The following CAST variants were observed in gnomAD, a reference collection of about 807,000 sequenced individuals.
CAST encodes the protein MIR583 host.
In CAST, 76 loss-of-function variants were observed where a neutral mutation model predicts 119.6. That is an observed-to-expected ratio of 0.64 (90% CI 0.53 to 0.77). The LOEUF is 0.77. CAST is among the 30% of genes least tolerant of loss of function. The pLI is 0.00. For synonymous variants in CAST, 319 were observed against 331.6 expected (o/e 0.96, Z 0.41); for missense variants, 953 against 946.5 (o/e 1.01, Z -0.09).
At chr5:96,563,553 T>C (rs914403283) in intron 1 of CAST, among the ~76,000 whole-genome samples, 2 of 152,206 alleles carry the variant, frequency 1.3e-5, no homozygotes, top group African/African-American at 2.4e-5. Flanking sequence ...GGAGGTGAAC[T>C]GTTGACTGGG....
the CAST span, among the ~76,000 whole-genome samples, chr5:96,105,216 A>G: frequency 6.6e-6 from 1 of 151,856 alleles, no homozygotes; most frequent in Admixed American, 6.6e-5. Flanking sequence ...TCCTAATTGA[A>G]TACCCTTTAT....
At chr5:96,290,072 C>G in the CAST span, among the ~76,000 whole-genome samples, 1 of 152,030 alleles carries the variant, frequency 6.6e-6, no homozygotes, top group African/African-American at 2.4e-5. Context: ...TATCAGAATA[C>G]TTGGAAAGTA....
chr5:96,718,214 A>G (rs929123790), intron 3 of CAST, among the ~76,000 whole-genome samples: 3 of 152,178 alleles, frequency 2.0e-5, no homozygotes, highest in Non-Finnish European at 4.4e-5. Flanking sequence ...GCCTATATCT[A>G]TCTTTCTTGG....
At position 96,697,124 on chromosome 5, in the gene CAST, C is replaced by T. The variant is rs187678306; in HGVS notation, c.210+1217C>T. Reference sequence around the variant, plus strand: ...CACAGGTTGCAGTGAGCCGAGATAGCGCCACTGCACTCCAGCCTTGTAACA... The same window carrying T: ...CACAGGTTGCAGTGAGCCGAGATAGTGCCACTGCACTCCAGCCTTGTAACA... On this transcript the variant is annotated intron_variant, in intron 3 of 31. Coordinates refer to ENST00000675179, the MANE Select transcript of CAST (RefSeq NM_001750.7). Among the ~76,000 whole-genome samples the T allele has an allele frequency of 7.2e-4, 107 of 148,920 alleles. 1 individual carries two copies. The East Asian group carries it at 0.02, about 28-fold the overall frequency.
chr5:96,645,700 T>C (rs1194307802), intron 1 of CAST, among the ~76,000 whole-genome samples: 2 of 151,844 alleles, frequency 1.3e-5, no homozygotes, highest in African/African-American at 4.8e-5. Context: ...AAATATTAAT[T>C]AGTGGGAAAA....
At chr5:96,116,690 C>T in the CAST span, among the ~76,000 whole-genome samples, 1 of 152,062 alleles carries the variant, frequency 6.6e-6, no homozygotes, top group Admixed American at 6.6e-5. Context: ...CTTTCTTAGG[C>T]TTATTGTTTA....
chr5:96,064,869 G>A, the CAST span, among the ~76,000 whole-genome samples: 1 of 152,010 alleles, frequency 6.6e-6, no homozygotes, highest in Admixed American at 6.6e-5. Flanking sequence ...TTATTTCTAT[G>A]CTATGTGCGT....
the CAST span, among the ~76,000 whole-genome samples, chr5:96,126,755 A>G: frequency 1.3e-5 from 2 of 152,138 alleles, no homozygotes; most frequent in Non-Finnish European, 2.9e-5. Flanking sequence ...CACTGTATAA[A>G]TCATCTTTTT....
chr5:96,542,162 T>C (rs1433659709), intron 1 of CAST, among the ~76,000 whole-genome samples: 2 of 151,960 alleles, frequency 1.3e-5, no homozygotes, highest in African/African-American at 4.8e-5. Flanking sequence ...TACAAAAAAT[T>C]AGCCGGGCGA....
chr5:96,188,431 G>A, the CAST span, among the ~76,000 whole-genome samples: 1 of 151,958 alleles, frequency 6.6e-6, no homozygotes, highest in East Asian at 1.9e-4. Flanking sequence ...TTAACCTATT[G>A]AAACACTACT....
At chr5:96,243,749 C>T in the CAST span, among the ~76,000 whole-genome samples, 4,911 of 152,090 alleles carry the variant, frequency 0.032, 246 homozygotes, top group African/African-American at 0.11. Flanking sequence ...TGGACATCTG[C>T]GGATTTTTTC....
chr5:96,274,436 G>T, the CAST span, among the ~76,000 whole-genome samples: 2 of 152,066 alleles, frequency 1.3e-5, no homozygotes, highest in Non-Finnish European at 2.9e-5. Context: ...TGTCAATTCT[G>T]TCCAAAATTT....
rs1189916140 is a variant in CAST at position 96,757,731 on chromosome 5, T to G, written c.1833+77T>G. ...TTTGAGATGGAGTCTTGCTCTGTCA[T>G]CCAGGCGGGAGTACAGTGGTGCCAT... is the stretch of plus-strand genomic sequence containing the variant. On this transcript the variant is annotated intron_variant, in intron 24 of 31. Transcript: ENST00000675179. 3.0e-6 allele frequency: 3 copies of G among 990,904 alleles called. No homozygotes were observed. The Admixed American group carries it at 6.9e-5, about 23-fold the overall frequency. 61.4% of individuals were successfully genotyped at this position (990,904 alleles called of 1,614,324 possible). A position where few individuals can be genotyped will look rare whatever the true frequency, so the allele number is the denominator to read the frequency against.
the CAST span, among the ~76,000 whole-genome samples, chr5:96,351,406 C>T: frequency 1.3e-5 from 2 of 152,108 alleles, no homozygotes; most frequent in African/African-American, 4.8e-5. Context: ...CTACACATTG[C>T]TTCAGCAATG....
At chr5:96,639,395 G>A (rs766290995) in intron 1 of CAST, among the ~76,000 whole-genome samples, 17 of 152,184 alleles carry the variant, frequency 1.1e-4, no homozygotes, top group Non-Finnish European at 2.1e-4. Flanking sequence ...TCCCATGTTT[G>A]GCCTGAGTGA....
the CAST span, among the ~76,000 whole-genome samples, chr5:95,979,816 AT>A: frequency 6.6e-6 from 1 of 152,094 alleles, no homozygotes; most frequent in Non-Finnish European, 1.5e-5. Context: ...AGGAATTTTA[AT>A]TTTTAAAAGT....
the CAST span, among the ~76,000 whole-genome samples, chr5:96,095,254 G>C: frequency 6.6e-6 from 1 of 152,018 alleles, no homozygotes; most frequent in Non-Finnish European, 1.5e-5. Flanking sequence ...AAGGTTTCTT[G>C]ATCAGCTTGT....
chr5:96,029,469 C>A, the CAST span, among the ~76,000 whole-genome samples: 2 of 151,766 alleles, frequency 1.3e-5, no homozygotes, highest in African/African-American at 2.4e-5. Context: ...TGAAAAAATA[C>A]AAGAAAATTA....
intron 2 of CAST, among the ~76,000 whole-genome samples, chr5:96,683,650 A>G (rs1049639315): frequency 1.3e-5 from 2 of 152,188 alleles, no homozygotes; most frequent in African/African-American, 4.8e-5. Flanking sequence ...TGGTCCCGGT[A>G]CATTTGTCTT....
Sources: gnomAD v4.1 joint callset for allele counts (sites outside exome capture counted in the v4.1 genomes callset) on GRCh38, gnomAD v4.1.1 for gene constraint, MANE v1.5 for transcripts, NCBI Gene and HGNC (gene_info 2026-07-23, HGNC 2026-07-21) for gene names.